The following TANC2 variants were observed in gnomAD, a reference collection of about 807,000 sequenced individuals.
The protein encoded by TANC2 is tetratricopeptide repeat, ankyrin repeat and coiled-coil containing 2, also known as protein TANC2.
TANC2 carries 26 observed loss-of-function variants against 210.5 expected under a neutral mutation model. The observed-to-expected ratio is 0.12, with a 90% CI of 0.09 to 0.17. The LOEUF (loss-of-function observed/expected upper bound fraction) is 0.17. TANC2 is among the 10% of genes least tolerant of loss of function. TANC2 has a pLI of 1.00. For missense variants in TANC2, 2,129 were observed against 2,608.9 expected, an observed-to-expected ratio of 0.82 and a Z score of 4.01; for synonymous variants, 931 against 967.1, an observed-to-expected ratio of 0.96 and a Z score of 0.69.
At chr17:63,094,126 A>G in intron 3 of TANC2, among the ~76,000 whole-genome samples, 1 of 152,076 alleles carries the variant, frequency 6.6e-6, no homozygotes, top group African/African-American at 2.4e-5. Flanking sequence ...TAACCTGTGA[A>G]TTTGCCTTAC....
At chr17:63,426,879 C>T (rs1019333139) in exon 28 of TANC2, 1 of 152,160 alleles carries the variant, frequency 6.6e-6, no homozygotes, top group Non-Finnish European at 1.5e-5. Flanking sequence ...TTAGAGGGGG[C>T]TCAACTCAAT....
intron 2 of TANC2, among the ~76,000 whole-genome samples, chr17:63,018,489 A>AT (rs1555754900): frequency 2.6e-5 from 4 of 151,576 alleles, no homozygotes; most frequent in South Asian, 2.1e-4. Context: ...TCAAAAAAAA[A>AT]AAATAAATAA....
chr17:63,412,629 T>C lies in TANC2; in HGVS notation c.3899-51T>C. ...CTTCTTTTTTTTTTTTTCACCTTCATCCATTTTTTTTTCCTCTCCTACAAC... is the reference window on the plus strand; with the variant it reads ...CTTCTTTTTTTTTTTTTCACCTTCACCCATTTTTTTTTCCTCTCCTACAAC... On this transcript the variant is annotated intron_variant, in intron 23 of 27. Transcript: ENST00000689528. The surrounding 1 kb of genome is among the most constrained non-coding windows in gnomAD (Gnocchi z 4.2). 7.2e-7 allele frequency: 1 copy of C among 1,391,192 alleles called. No individual in the cohort carries two copies. The highest frequency in any genetic ancestry group is 1.3e-5 in the South Asian group (1 of 78,552). 86.2% of individuals were successfully genotyped at this position (1,391,192 alleles called of 1,614,324 possible).
intron 8 of TANC2, among the ~76,000 whole-genome samples, chr17:63,266,666 A>G (rs2043538011): frequency 6.6e-6 from 1 of 152,146 alleles, no homozygotes; most frequent in African/African-American, 2.4e-5. Flanking sequence ...TTTTGAGGCA[A>G]ATGACCATGT....
intron 5 of TANC2, 28 bp from the exon 6 acceptor site, chr17:63,193,957 AAGATTC>A (rs1164057378): frequency 6.3e-6 from 10 of 1,581,746 alleles, no homozygotes; most frequent in Non-Finnish European, 7.7e-6. Context: ...TTTATTTTGA[AAGATTC>A]ATGTTCTTCA....
At chr17:63,263,554 GTTGT>G (rs1296920608) in intron 8 of TANC2, among the ~76,000 whole-genome samples, 5 of 152,262 alleles carry the variant, frequency 3.3e-5, no homozygotes, top group Non-Finnish European at 7.4e-5. Flanking sequence ...TCAAATCTGA[GTTGT>G]TTATTTTTTG....
intron 2 of TANC2, among the ~76,000 whole-genome samples, chr17:63,039,641 C>T (rs551678691): frequency 5.8e-4 from 89 of 152,166 alleles, no homozygotes; most frequent in African/African-American, 1.7e-3. Flanking sequence ...AAAAGATAAC[C>T]GTCAATATGA....
At chr17:63,022,810 G>T (rs958602532) in intron 2 of TANC2, among the ~76,000 whole-genome samples, 41 of 152,286 alleles carry the variant, frequency 2.7e-4, no homozygotes, top group African/African-American at 9.6e-4. Flanking sequence ...TGCACCAGCT[G>T]TGTGGCTCAA....
At chr17:63,359,906 A>G (rs2046908279) in intron 14 of TANC2, among the ~76,000 whole-genome samples, 1 of 152,204 alleles carries the variant, frequency 6.6e-6, no homozygotes, top group East Asian at 1.9e-4. Flanking sequence ...CTTTATGACC[A>G]GAATTGATTG....
chr17:63,034,530 G>A (rs2034896474), intron 2 of TANC2, among the ~76,000 whole-genome samples: 1 of 152,094 alleles, frequency 6.6e-6, no homozygotes, highest in Non-Finnish European at 1.5e-5. Flanking sequence ...ATTTTTCAAG[G>A]CTATAGCTGC....
intron 7 of TANC2, among the ~76,000 whole-genome samples, chr17:63,214,777 A>G (rs1567821514): frequency 6.6e-6 from 1 of 152,240 alleles, no homozygotes; most frequent in Non-Finnish European, 1.5e-5. Context: ...GGACACAAAC[A>G]TTCAGAGAAT....
intron 5 of TANC2, among the ~76,000 whole-genome samples, chr17:63,175,614 G>A (rs1350873975): frequency 6.7e-6 from 1 of 148,418 alleles, no homozygotes; most frequent in Non-Finnish European, 1.5e-5. Context: ...GGCAAGCAAA[G>A]ATTTCTTGGA....
At chr17:63,419,803 G>C (rs750940976) in intron 27 of TANC2, among the ~76,000 whole-genome samples, 196 bp from the exon 28 acceptor site, 1 of 152,066 alleles carries the variant, frequency 6.6e-6, no homozygotes, top group Non-Finnish European at 1.5e-5. Context: ...GAGGCCGAAT[G>C]GGTTAGGGAA....
chr17:63,058,545 A>G (rs921552021), intron 2 of TANC2, among the ~76,000 whole-genome samples: 1 of 152,104 alleles, frequency 6.6e-6, no homozygotes, highest in African/African-American at 2.4e-5. Flanking sequence ...TAGGGTTTTT[A>G]TAGTTGCGGG....
chr17:63,060,814 A>G (rs986047607), intron 2 of TANC2, among the ~76,000 whole-genome samples: 2 of 152,302 alleles, frequency 1.3e-5, no homozygotes, highest in East Asian at 1.9e-4. Context: ...TTTACCCCTT[A>G]TACTTAAAGG....
chr17:63,310,482 A>T (rs1195240525), intron 9 of TANC2, among the ~76,000 whole-genome samples: 1 of 152,200 alleles, frequency 6.6e-6, no homozygotes, highest in African/African-American at 2.4e-5. Context: ...AAAGGAAGAA[A>T]GAAAAATTTT....
chr17:63,160,715 C>A (rs1375630699), intron 5 of TANC2, among the ~76,000 whole-genome samples: 1 of 152,092 alleles, frequency 6.6e-6, no homozygotes, highest in Non-Finnish European at 1.5e-5. Context: ...AATCTTAAAT[C>A]TTTATATTAC....
At chr17:63,165,347 C>G (rs2040176816) in intron 5 of TANC2, among the ~76,000 whole-genome samples, 1 of 152,070 alleles carries the variant, frequency 6.6e-6, no homozygotes, top group African/African-American at 2.4e-5. Context: ...TTGGAGATAC[C>G]TGGTTTAGTG....
intron 8 of TANC2, among the ~76,000 whole-genome samples, chr17:63,255,059 T>TA (rs1555616884): frequency 1.4e-5 from 2 of 144,586 alleles, no homozygotes; most frequent in Admixed American, 1.4e-4. Flanking sequence ...AATAGTTATT[T>TA]TTTATTTATT....
Sources: gnomAD v4.1 joint callset for allele counts (sites outside exome capture counted in the v4.1 genomes callset) on GRCh38, gnomAD v4.1.1 for gene constraint, Gnocchi (gnomAD v3.1) non-coding constraint, MANE v1.5 for transcripts, NCBI Gene and HGNC (gene_info 2026-07-23, HGNC 2026-07-21) for gene names.